The following SUGCT variants were observed in gnomAD, a reference collection of about 807,000 sequenced individuals.
SUGCT encodes the protein succinyl-CoA:glutarate-CoA transferase.
A neutral mutation model predicts 55.0 loss-of-function variants in SUGCT; 41 were observed. The observed-to-expected ratio is 0.74, with a 90% confidence interval of 0.58 to 0.97. The LOEUF is 0.97. SUGCT is among the 50% of genes least tolerant of loss of function. The pLI is 0.00. For missense variants in SUGCT, 568 were observed against 547.8 expected, an observed-to-expected ratio of 1.04 and a Z score of -0.37; for synonymous variants, 187 against 200.4, an observed-to-expected ratio of 0.93 and a Z score of 0.56.
the SUGCT span, among the ~76,000 whole-genome samples, chr7:40,930,109 G>T: frequency 1.3e-5 from 2 of 152,200 alleles, no homozygotes; most frequent in South Asian, 4.1e-4. Context: ...AAGGTGTAAA[G>T]AAGGGTACCA....
At chr7:40,614,802 G>A (rs968445368) in intron 12 of SUGCT, among the ~76,000 whole-genome samples, 5 of 152,202 alleles carry the variant, frequency 3.3e-5, no homozygotes, top group African/African-American at 1.2e-4. Flanking sequence ...GCTCACGCCT[G>A]TAATCCCAGC....
At chr7:40,789,733 A>G (rs149424824) in intron 13 of SUGCT, among the ~76,000 whole-genome samples, 1 of 152,288 alleles carries the variant, frequency 6.6e-6, no homozygotes, top group Non-Finnish European at 1.5e-5. Flanking sequence ...GTAAAAGCCT[A>G]CTTTATATTA....
chr7:40,170,555 G>A (rs936357960), intron 1 of SUGCT, among the ~76,000 whole-genome samples: 1 of 152,222 alleles, frequency 6.6e-6, no homozygotes, highest in Non-Finnish European at 1.5e-5. Flanking sequence ...TTTCCAATGA[G>A]CATTAGTCCT....
chr7:40,616,032 A>T (rs1261416088), intron 12 of SUGCT, among the ~76,000 whole-genome samples: 1 of 152,120 alleles, frequency 6.6e-6, no homozygotes, highest in Non-Finnish European at 1.5e-5. Flanking sequence ...TATATTTTTT[A>T]TTTCAGGATC....
chr7:40,467,262 A>G (rs1346536111), intron 11 of SUGCT, among the ~76,000 whole-genome samples: 1 of 151,424 alleles, frequency 6.6e-6, no homozygotes, highest in Non-Finnish European at 1.5e-5. Flanking sequence ...AGCATGCAGC[A>G]GTACTCAGCC....
At chr7:40,514,375 C>A (rs1447585454) in intron 12 of SUGCT, among the ~76,000 whole-genome samples, 1 of 152,000 alleles carries the variant, frequency 6.6e-6, no homozygotes, top group African/African-American at 2.4e-5. Flanking sequence ...ATTTAACTTA[C>A]TATTTTACAG....
intron 9 of SUGCT, among the ~76,000 whole-genome samples, chr7:40,383,668 G>A (rs1295121652): frequency 2.0e-5 from 3 of 152,162 alleles, no homozygotes; most frequent in Non-Finnish European, 1.5e-5. Flanking sequence ...TTCTGATAAG[G>A]AAGAGATTGT....
chr7:40,972,042 G>A, the SUGCT span, among the ~76,000 whole-genome samples: 1 of 151,664 alleles, frequency 6.6e-6, no homozygotes. Flanking sequence ...TTTTGGTATG[G>A]AACCATGCAG....
chr7:40,456,235 A>G (rs1319881477), intron 10 of SUGCT, among the ~76,000 whole-genome samples: 2 of 152,282 alleles, frequency 1.3e-5, no homozygotes, highest in African/African-American at 4.8e-5. Context: ...CATGTTGGCC[A>G]GGTTGGTCTC....
chr7:40,576,458 C>A (rs955380561), intron 12 of SUGCT, among the ~76,000 whole-genome samples: 1 of 152,176 alleles, frequency 6.6e-6, no homozygotes, highest in Non-Finnish European at 1.5e-5. Context: ...GATAAAAAGT[C>A]TCTCCCATGC....
intron 12 of SUGCT, among the ~76,000 whole-genome samples, chr7:40,558,087 G>A (rs1316067239): frequency 6.7e-6 from 1 of 149,146 alleles, no homozygotes; most frequent in Non-Finnish European, 1.5e-5. Context: ...CATTGGGATG[G>A]CTATTCCATA....
At chr7:40,899,073 C>T in the SUGCT span, among the ~76,000 whole-genome samples, 1 of 152,268 alleles carries the variant, frequency 6.6e-6, no homozygotes, top group South Asian at 2.1e-4. Flanking sequence ...TGTAGAACCC[C>T]CCAGAGCTCT....
At chr7:40,157,795 A>G (rs1410726595) in intron 1 of SUGCT, among the ~76,000 whole-genome samples, 1 of 152,226 alleles carries the variant, frequency 6.6e-6, no homozygotes, top group African/African-American at 2.4e-5. Context: ...TTAGACCTGC[A>G]CTGAACACAG....
At chr7:40,258,478 A>G (rs1014031736) in intron 7 of SUGCT, among the ~76,000 whole-genome samples, 4 of 152,216 alleles carry the variant, frequency 2.6e-5, no homozygotes, top group African/African-American at 9.6e-5. Flanking sequence ...TCCCGGGTTC[A>G]AGCGATAATC....
chr7:40,862,113 T>TA (rs1412983527), downstream of SUGCT, among the ~76,000 whole-genome samples: 4 of 152,204 alleles, frequency 2.6e-5, no homozygotes, highest in Non-Finnish European at 2.9e-5. Context: ...TTTACTCACT[T>TA]ACTGGGCAGA....
chr7:40,736,821 A>G (rs1036588099), intron 12 of SUGCT, among the ~76,000 whole-genome samples: 5 of 152,122 alleles, frequency 3.3e-5, no homozygotes, highest in African/African-American at 1.2e-4. Context: ...AATAAAACCA[A>G]CTTACTAGGA....
the SUGCT span, among the ~76,000 whole-genome samples, chr7:41,030,937 A>C: frequency 6.6e-6 from 1 of 152,174 alleles, no homozygotes; most frequent in South Asian, 2.1e-4. Context: ...TAGATAATGT[A>C]GTAGGAACCA....
intron 13 of SUGCT, among the ~76,000 whole-genome samples, chr7:40,781,720 G>A (rs1789760380): frequency 6.6e-6 from 1 of 152,082 alleles, no homozygotes; most frequent in African/African-American, 2.4e-5. Flanking sequence ...GAAACTTACA[G>A]GAAAAAATTG....
intron 8 of SUGCT, among the ~76,000 whole-genome samples, chr7:40,297,721 T>G (rs1340731632): frequency 6.6e-6 from 1 of 152,184 alleles, no homozygotes; most frequent in African/African-American, 2.4e-5. Flanking sequence ...TCTCTTTTTT[T>G]GGGTCTTGTT....
Sources: gnomAD v4.1 joint callset for allele counts (sites outside exome capture counted in the v4.1 genomes callset) on GRCh38, gnomAD v4.1.1 for gene constraint, MANE v1.5 for transcripts, NCBI Gene and HGNC (gene_info 2026-07-23, HGNC 2026-07-21) for gene names.